PHIP: variants seen among roughly 807,000 people sequenced by gnomAD.
PHIP encodes the protein PH-interacting protein.
PHIP carries 54 observed loss-of-function variants against 236.8 expected under a neutral mutation model. The ratio of observed to expected loss-of-function variants is 0.23; its 90% CI spans 0.18 to 0.29. The LOEUF is 0.29. Ranked by LOEUF, PHIP falls within the 10% of genes least tolerant of loss-of-function variation. PHIP has a pLI of 1.00. For missense variants in PHIP, 1,370 were observed against 2,190.8 expected, an observed-to-expected ratio of 0.63 and a Z score of 7.48; for synonymous variants, 756 against 718.9, an observed-to-expected ratio of 1.05 and a Z score of -0.83.
intron 4 of PHIP, among the ~76,000 whole-genome samples, chr6:79,066,378 A>G (rs1053687492): frequency 6.6e-6 from 1 of 152,130 alleles, no homozygotes; most frequent in Non-Finnish European, 1.5e-5. Context: ...CCCATTCTAT[A>G]AAAAAATTAT....
chr6:78,950,444 T>C (rs1420003366), intron 35 of PHIP, among the ~76,000 whole-genome samples: 1 of 152,218 alleles, frequency 6.6e-6, no homozygotes, highest in Non-Finnish European at 1.5e-5. Flanking sequence ...AAATGTTTGG[T>C]TGAATTCTCC....
At chr6:79,077,973 G>C (rs374590803) in intron 1 of PHIP, 56 bp downstream of exon 1, 1 of 1,595,552 alleles carries the variant, frequency 6.3e-7, no homozygotes, top group Non-Finnish European at 8.5e-7. Flanking sequence ...GCGGGGGGCG[G>C]GGGACCGCGG....
chr6:79,030,427 G>A (rs1771612243), intron 7 of PHIP, among the ~76,000 whole-genome samples: 1 of 152,098 alleles, frequency 6.6e-6, no homozygotes. Context: ...TTGCTGCTCG[G>A]GCTAGGAATT....
intron 4 of PHIP, among the ~76,000 whole-genome samples, chr6:79,075,472 G>A (rs953658145): frequency 1.3e-5 from 2 of 151,942 alleles, no homozygotes; most frequent in Admixed American, 6.6e-5. Flanking sequence ...TTCAAAATAG[G>A]TGAATTTTGA....
chr6:79,041,031 A>T (rs187995872), intron 7 of PHIP, among the ~76,000 whole-genome samples: 90 of 152,274 alleles, frequency 5.9e-4, no homozygotes, highest in Non-Finnish European at 1.2e-3. Context: ...TGCCCTTAAA[A>T]GAAAGAATCA....
chr6:78,946,648 C>T (rs1773834870), intron 37 of PHIP, 63 bp downstream of exon 37: 2 of 1,466,466 alleles, frequency 1.4e-6, no homozygotes, highest in Non-Finnish European at 1.8e-6. Flanking sequence ...TAAAAAACAC[C>T]AAGTTCTATC....
chr6:79,017,418 T>C, intron 11 of PHIP, 32 bp from the exon 12 acceptor site: 1 of 1,589,332 alleles, frequency 6.3e-7, no homozygotes, highest in Non-Finnish European at 8.6e-7. Context: ...AAAAAGTGGG[T>C]GCTGAATATA....
At chr6:78,962,109 T>C (rs1258089149) in intron 30 of PHIP, among the ~76,000 whole-genome samples, 2 of 152,190 alleles carry the variant, frequency 1.3e-5, no homozygotes, top group Non-Finnish European at 2.9e-5. Flanking sequence ...TAATTGACAG[T>C]TGGCCATTCC....
Position 78,935,690 on chromosome 6 carries a change from T to G in PHIP, c.*5003A>C. On this transcript the variant is annotated 3_prime_UTR_variant, in exon 40 of 40. Coordinates refer to ENST00000275034, the MANE Select transcript of PHIP (RefSeq NM_017934.7). ...CACCCAAATATCTTTTAACTGACAG[T>G]TTTCACACTTTGCAAAACACACAGG... 2.0e-6 allele frequency: 2 copies of G among 984,984 alleles called. No individual in the cohort carries two copies. The highest frequency in any genetic ancestry group is 2.4e-6 in the Non-Finnish European group (2 of 829,570). 61.0% of individuals were successfully genotyped at this position (984,984 alleles called of 1,614,324 possible). A position where few individuals can be genotyped will look rare whatever the true frequency, so the allele number is the denominator to read the frequency against.
At chr6:78,952,359 T>C (rs1009706786) in intron 35 of PHIP, among the ~76,000 whole-genome samples, 1 of 143,890 alleles carries the variant, frequency 6.9e-6, no homozygotes, top group Non-Finnish European at 1.5e-5. Flanking sequence ...GCAGAGTTTG[T>C]AGTGAGCCGA....
chr6:79,077,762 G>A, intron 2 of PHIP, 33 bp from the exon 3 acceptor site: 8 of 980,678 alleles, frequency 8.2e-6, no homozygotes, highest in Non-Finnish European at 9.7e-6. Flanking sequence ...GCTGAGCCCC[G>A]CGCCCCGGGC....
intron 24 of PHIP, among the ~76,000 whole-genome samples, chr6:78,975,410 C>T (rs1767974044): frequency 2.0e-5 from 3 of 152,152 alleles, no homozygotes; most frequent in Non-Finnish European, 4.4e-5. Context: ...AACCCACAGC[C>T]AATATCATAC....
intron 20 of PHIP, 32 bp from the exon 21 acceptor site, chr6:78,988,381 ATTGT>A (rs1260300192): frequency 1.3e-6 from 2 of 1,509,792 alleles, no homozygotes; most frequent in African/African-American, 2.8e-5. Flanking sequence ...TTATTCACAG[ATTGT>A]TTAAAGAGCA....
intron 29 of PHIP, 108 bp from the exon 30 acceptor site, chr6:78,963,360 GATTTGTAAAT>G (rs1228382903): frequency 1.2e-6 from 1 of 801,650 alleles, no homozygotes; most frequent in East Asian, 3.1e-5. Flanking sequence ...ATTTTGTATA[GATTTGTAAAT>G]ATACTCTTTA....
At chr6:79,054,342 C>CAAA (rs70977758) in intron 6 of PHIP, among the ~76,000 whole-genome samples, 3 of 133,730 alleles carry the variant, frequency 2.2e-5, no homozygotes, top group Non-Finnish European at 3.2e-5. Context: ...ATCATTAAAC[C>CAAA]AAAAAAAAAA....
intron 9 of PHIP, among the ~76,000 whole-genome samples, chr6:79,025,041 A>T: frequency 6.6e-6 from 1 of 152,158 alleles, no homozygotes; most frequent in East Asian, 1.9e-4. Context: ...ATGGGGAGGG[A>T]GGGGAATACA....
At chr6:79,071,917 T>C (rs1310667698) in intron 4 of PHIP, among the ~76,000 whole-genome samples, 1 of 151,826 alleles carries the variant, frequency 6.6e-6, no homozygotes, top group African/African-American at 2.4e-5. Flanking sequence ...TATTATTTTC[T>C]TATTATTCAT....
chr6:78,961,829 T>G lies in PHIP; in HGVS notation c.3536-19A>C. ...GCAATATCTAAAATAAATAGATAAG[T>G]TTGTAAATTTATTTTTGTATGCCTA... is the stretch of plus-strand genomic sequence containing the variant. On this transcript the variant is annotated intron_variant, in intron 30 of 39. Coordinates refer to ENST00000275034, the MANE Select transcript of PHIP (RefSeq NM_017934.7). 6.4e-7 allele frequency: 1 copy of G among 1,570,376 alleles called. No individual in the cohort carries two copies. The highest frequency in any genetic ancestry group is 8.6e-7 in the Non-Finnish European group (1 of 1,157,282).
At chr6:78,941,403 G>A in intron 39 of PHIP, 73 bp from the exon 40 acceptor site, 1 of 1,008,002 alleles carries the variant, frequency 9.9e-7, no homozygotes. Context: ...TGTCAGTAAG[G>A]CCCCATTGGT....
Sources: allele counts gnomAD v4.1 joint callset (sites outside exome capture counted in the v4.1 genomes callset), GRCh38; gene constraint gnomAD v4.1.1; transcripts MANE v1.5; gene names NCBI Gene and HGNC (gene_info 2026-07-23, HGNC 2026-07-21).